Variants in ART3 observed in about 807,000 individuals in gnomAD.
The protein encoded by ART3 is ecto-ADP-ribosyltransferase 3.
ART3 carries 49 observed loss-of-function variants against 48.5 expected under a neutral mutation model. The observed-to-expected ratio is 1.01, with a 90% CI of 0.80 to 1.28. The LOEUF is 1.28. Ranked by LOEUF, ART3 falls within the 50% of genes most tolerant of loss-of-function variation. ART3 has a pLI of 0.00. For missense variants in ART3, 438 were observed against 454.3 expected, an observed-to-expected ratio of 0.96 and a Z score of 0.33; for synonymous variants, 145 against 157.2, an observed-to-expected ratio of 0.92 and a Z score of 0.58.
chr4:76,099,396 A>C (rs928424635), intron 5 of ART3: 1 of 227,250 alleles, frequency 4.4e-6, no homozygotes, highest in African/African-American at 2.3e-5. Context: ...TGCAGATATA[A>C]AGCAGTGACT....
upstream of ART3, among the ~76,000 whole-genome samples, chr4:76,070,180 CTGTT>C (rs1720171469): frequency 3.9e-5 from 1 of 25,754 alleles, no homozygotes; most frequent in Non-Finnish European, 6.5e-5. Context: ...TAATGAATTC[CTGTT>C]CTTTTAAGTA....
chr4:76,064,601 C>A (rs750393652), intron 1 of ART3, among the ~76,000 whole-genome samples: 1 of 151,824 alleles, frequency 6.6e-6, no homozygotes, highest in African/African-American at 2.4e-5. Context: ...GGCTACAGAA[C>A]AAAAAGCAAA....
chr4:76,057,262 CTA>C (rs1368039177), intron 1 of ART3, among the ~76,000 whole-genome samples: 1 of 152,102 alleles, frequency 6.6e-6, no homozygotes, highest in Non-Finnish European at 1.5e-5. Context: ...AGAGAAATAA[CTA>C]AATGCAATGT....
chr4:76,071,291 T>C (rs556095343), upstream of ART3, among the ~76,000 whole-genome samples: 10 of 148,640 alleles, frequency 6.7e-5, no homozygotes, highest in East Asian at 2.0e-3. Flanking sequence ...TGAGCCGAGA[T>C]AGGGAGGCGG....
intron 3 of ART3, among the ~76,000 whole-genome samples, chr4:76,092,800 G>T (rs1725196712): frequency 6.6e-6 from 1 of 152,118 alleles, no homozygotes; most frequent in Admixed American, 6.5e-5. Flanking sequence ...CCAGCTCAAT[G>T]AAACTCTAAT....
chr4:76,069,386 C>CTTTGTTTT lies in ART3; in HGVS notation c.-9-6492_-9-6491insGTTTTTTT, dbSNP rs59498066. ...ATGTAAATGTATCAGTACTTAATTCCTTTTTTTTTTTTTTTTTTTTTGAGA... is the reference window on the plus strand; with the variant it reads ...ATGTAAATGTATCAGTACTTAATTCCTTTGTTTTTTTTTTTTTTTTTTTTTTTTTGAGA... On this transcript the variant is annotated intron_variant, in intron 1 of 9. Transcript: ENST00000341029. Among the ~76,000 whole-genome samples, 231 of 110,092 alleles carry CTTTGTTTT rather than the reference C, an allele frequency of 2.1e-3. 10 individuals carry two copies. The highest frequency in any genetic ancestry group is 5.3e-3 in the Middle Eastern group (1 of 188). The allele number at this position is 110,092 out of a possible 152,430, so 72.2% of individuals were successfully genotyped here. A position where few individuals can be genotyped will look rare whatever the true frequency, so the allele number is the denominator to read the frequency against.
chr4:76,110,700 G>A (rs1375652060), intron 11 of ART3, among the ~76,000 whole-genome samples: 3 of 152,044 alleles, frequency 2.0e-5, no homozygotes, highest in Non-Finnish European at 4.4e-5. Context: ...ATATATAGTC[G>A]ACCCTTGAAC....
At chr4:76,088,065 T>TA (rs1202905181) in intron 3 of ART3, among the ~76,000 whole-genome samples, 3 of 152,006 alleles carry the variant, frequency 2.0e-5, no homozygotes, top group Non-Finnish European at 4.4e-5. Flanking sequence ...ACCCATCTCT[T>TA]AAAAAAATTA....
chr4:76,023,419 C>T (rs771253146), intron 1 of ART3: 1 of 1,613,910 alleles, frequency 6.2e-7, no homozygotes, highest in Non-Finnish European at 8.5e-7. Flanking sequence ...ATCAGAATGG[C>T]AGTTTGATTC....
At chr4:76,022,896 C>G (rs1348918625) in intron 1 of ART3, 4 of 1,455,410 alleles carry the variant, frequency 2.7e-6, no homozygotes, top group African/African-American at 2.8e-5. Context: ...TGGTATTTAG[C>G]AGAACCTATA....
chr4:76,081,419 A>G (rs7662679), intron 2 of ART3, among the ~76,000 whole-genome samples: 21,563 of 152,240 alleles, frequency 0.14, 2,240 homozygotes, highest in African/African-American at 0.28. Context: ...TGTGTTATAG[A>G]TCATGAATAA....
At chr4:76,103,563 G>A (rs1046755537) in intron 8 of ART3, among the ~76,000 whole-genome samples, 1 of 152,128 alleles carries the variant, frequency 6.6e-6, no homozygotes, top group African/African-American at 2.4e-5. Flanking sequence ...ACTAAAGTTA[G>A]GAGGGATTAA....
At chr4:76,100,140 C>G (rs772715647) in intron 5 of ART3, 151 bp from the exon 6 acceptor site, 8 of 614,208 alleles carry the variant, frequency 1.3e-5, no homozygotes, top group Admixed American at 1.1e-4. Context: ...AGACTGTGAC[C>G]GACAACTTAA....
chr4:76,049,096 G>A (rs566051198), intron 1 of ART3, among the ~76,000 whole-genome samples: 27 of 152,074 alleles, frequency 1.8e-4, no homozygotes, highest in Admixed American at 5.2e-4. Flanking sequence ...TAAAATTCCA[G>A]GTAGTCCCCA....
chr4:76,036,946 C>G (rs1186948849), intron 1 of ART3: 9 of 186,590 alleles, frequency 4.8e-5, no homozygotes, highest in Non-Finnish European at 6.2e-5. Context: ...GATCATGTCC[C>G]ACACAAATTT....
At chr4:76,046,511 C>G (rs993353609) in intron 1 of ART3, among the ~76,000 whole-genome samples, 1 of 151,962 alleles carries the variant, frequency 6.6e-6, no homozygotes, top group Non-Finnish European at 1.5e-5. Context: ...ATTCTATAAT[C>G]CTTTATGAGC....
intron 1 of ART3, among the ~76,000 whole-genome samples, chr4:76,028,865 T>C (rs1364773138): frequency 6.6e-6 from 1 of 152,210 alleles, no homozygotes; most frequent in Non-Finnish European, 1.5e-5. Context: ...TCAGAATAGC[T>C]TCTGTTTGGA....
chr4:76,078,340 A>G (rs939727439), intron 2 of ART3, among the ~76,000 whole-genome samples: 1 of 152,218 alleles, frequency 6.6e-6, no homozygotes, highest in Non-Finnish European at 1.5e-5. Flanking sequence ...CAACTCTGAT[A>G]TAATGTAAGG....
At chr4:76,012,871 G>A (rs918465021) in intron 1 of ART3, among the ~76,000 whole-genome samples, 4 of 152,118 alleles carry the variant, frequency 2.6e-5, no homozygotes, top group Non-Finnish European at 4.4e-5. Flanking sequence ...TATTTAAAAT[G>A]TCACTTTAAA....
Sources: gnomAD v4.1 joint callset for allele counts (sites outside exome capture counted in the v4.1 genomes callset) on GRCh38, gnomAD v4.1.1 for gene constraint, MANE v1.5 for transcripts, NCBI Gene and HGNC (gene_info 2026-07-23, HGNC 2026-07-21) for gene names.